Variants in PCDH18 observed in about 807,000 individuals in gnomAD.
PCDH18 encodes protocadherin 18.
Under a neutral mutation model 71.5 loss-of-function variants are expected in PCDH18, and 38 were observed. The ratio of observed to expected loss-of-function variants is 0.53; its 90% confidence interval spans 0.41 to 0.70. PCDH18 has a LOEUF of 0.70. Ranked by LOEUF, PCDH18 falls within the 30% of genes least tolerant of loss-of-function variation. The pLI, the probability that PCDH18 is intolerant of heterozygous loss-of-function variation, is 0.00. For synonymous variants in PCDH18, 565 were observed against 505.4 expected (o/e 1.12, Z -1.58); for missense variants, 1,334 against 1,384.6 (o/e 0.96, Z 0.58).
chr4:137,527,920 G>T (rs1213991171), intron 3 of PCDH18, among the ~76,000 whole-genome samples: 1 of 152,126 alleles, frequency 6.6e-6, no homozygotes, highest in Non-Finnish European at 1.5e-5. Context: ...ATAGCAAAAT[G>T]AAATGTTGGC....
In PCDH18 at chr4:137,530,541, T is replaced by A; in HGVS notation, c.1548A>T (p.Thr516=). 1 of 1,613,666 alleles carries A rather than the reference T, an allele frequency of 6.2e-7. No individual in the cohort carries two copies. The highest frequency in any genetic ancestry group is 8.5e-7 in the Non-Finnish European group (1 of 1,179,608). ...ESFILGSSIT[T]YVTIDPSNGA... ...CATTAGATGGGTCAATGGTTACATA[T>A]GTAGTTATGGAACTTCCTAGAATAA... is the stretch of plus-strand genomic sequence containing the variant. The change falls in exon 1 of 4, where the codon ACA becomes ACT. Residue 516 remains threonine, a synonymous_variant. Transcript: ENST00000344876.
intron 3 of PCDH18, among the ~76,000 whole-genome samples, chr4:137,526,958 TAAAAAAAAAA>T (rs750084137): frequency 7.8e-6 from 1 of 127,734 alleles, no homozygotes; most frequent in Non-Finnish European, 1.7e-5. Context: ...TTCCAAATCT[TAAAAAAAAAA>T]AAAAAAAAAA....
rs1005269890 is a variant in PCDH18, at chr4:137,519,466, C to G, written c.*1563G>C. On this transcript the variant is annotated 3_prime_UTR_variant, in exon 4 of 4. Coordinates refer to ENST00000344876, the MANE Select transcript of PCDH18 (RefSeq NM_019035.5). Reference sequence around the variant, plus strand: ...CTTGCTTACTCTTTTTTCTTTATTCCCCAAATGCATTTAACTTATTTAGCT... The same window carrying G: ...CTTGCTTACTCTTTTTTCTTTATTCGCCAAATGCATTTAACTTATTTAGCT... 2 of 151,704 alleles carry G rather than the reference C, an allele frequency of 1.3e-5. No homozygotes were observed. The highest frequency in any genetic ancestry group is 2.4e-5 in the African/African-American group (1 of 41,274). The allele number at this position is 151,704 out of a possible 1,614,324, so 9.4% of individuals were successfully genotyped here.
chr4:137,532,216 C>G lies in PCDH18; in HGVS notation c.-128G>C. 1 of 787,530 alleles carries G rather than the reference C, an allele frequency of 1.3e-6. No individual in the cohort carries two copies. Among genetic ancestry groups the G allele is most frequent in the Non-Finnish European group, 2.2e-6 (1 of 446,874 alleles). The allele number at this position is 787,530 out of a possible 1,614,324, so 48.8% of individuals were successfully genotyped here. ...GAAAGCGTCTCTTAATAACACAGCA[C>G]AGCAATTAACAGCTCGCAAACTTTT... is the stretch of plus-strand genomic sequence containing the variant. On this transcript the variant is annotated 5_prime_UTR_variant, in exon 1 of 4. Transcript: ENST00000344876.
In PCDH18 at chr4:137,518,938, T is replaced by C. The variant is rs1488166313; in HGVS notation, c.*2091A>G. 1 of 152,230 alleles carries C rather than the reference T, an allele frequency of 6.6e-6. No individual in the cohort carries two copies. The highest frequency in any genetic ancestry group is 2.4e-5 in the African/African-American group (1 of 41,464). 9.4% of individuals were successfully genotyped at this position (152,230 alleles called of 1,614,324 possible). A position where few individuals can be genotyped will look rare whatever the true frequency, so the allele number is the denominator to read the frequency against. ...AAAAGTTTTGTGTTGAATGAAATAT[T>C]GCATTTTATTTATTTCACATTATTC... On this transcript the variant is annotated 3_prime_UTR_variant, in exon 4 of 4. Coordinates refer to ENST00000344876, the MANE Select transcript of PCDH18 (RefSeq NM_019035.5).
chr4:137,529,090 C>G, intron 1 of PCDH18: 1 of 422,936 alleles, frequency 2.4e-6, no homozygotes, highest in East Asian at 3.9e-5. Context: ...GATTTATTTT[C>G]TTTATAATTC....
rs1167330287 is a variant in PCDH18 at position 137,519,866 on chromosome 4, A to G, written c.*1163T>C. ...AAGGCATTCCACACAGAGAGATCAC[A>G]GCACAATAAATAAAGGATTTCTCAT... On this transcript the variant is annotated 3_prime_UTR_variant, in exon 4 of 4. Coordinates refer to ENST00000344876, the MANE Select transcript of PCDH18 (RefSeq NM_019035.5). 3 of 152,662 alleles carry G rather than the reference A, an allele frequency of 2.0e-5. No individual in the cohort carries two copies. The highest frequency in any genetic ancestry group is 6.5e-5 in the Admixed American group (1 of 15,274). 9.5% of individuals were successfully genotyped at this position (152,662 alleles called of 1,614,324 possible).
intron 3 of PCDH18, among the ~76,000 whole-genome samples, chr4:137,526,103 C>G (rs923665313): frequency 3.0e-4 from 46 of 151,440 alleles, no homozygotes; most frequent in African/African-American, 1.1e-3. Context: ...CACAAACTTA[C>G]GTGGAGGTGG....
intron 3 of PCDH18, among the ~76,000 whole-genome samples, chr4:137,524,972 G>T (rs1731405218): frequency 6.6e-6 from 1 of 152,092 alleles, no homozygotes; most frequent in Non-Finnish European, 1.5e-5. Flanking sequence ...CCATGAGAAA[G>T]GACAGAACAT....
rs1320528313 is a variant in PCDH18, at chr4:137,532,350, C to A, written c.-262G>T. The A allele has an allele frequency of 1.4e-6, 1 of 702,308 alleles. No homozygotes were observed. The highest frequency in any genetic ancestry group is 1.7e-5 in the African/African-American group (1 of 57,222). The allele number at this position is 702,308 out of a possible 1,614,324, so 43.5% of individuals were successfully genotyped here. On this transcript the variant is annotated 5_prime_UTR_variant, in exon 1 of 4. Transcript: ENST00000344876. ...TCCAGGCAGGAGAGTGTCACCTCCG[C>A]GTTTTCTCCCTTGTGTAGTCGGAAT... is the stretch of plus-strand genomic sequence containing the variant.
chr4:137,524,231 CTA>C (rs1731382464), intron 3 of PCDH18, among the ~76,000 whole-genome samples: 2 of 152,108 alleles, frequency 1.3e-5, no homozygotes, highest in South Asian at 2.1e-4. Context: ...CACTATAAGA[CTA>C]TGAATTTTGT....
In PCDH18 at chr4:137,529,633, A is replaced by G; in HGVS notation, c.2456T>C (p.Leu819Ser). Residue 819 changes from leucine (L) to serine (S), a missense_variant, in exon 1 of 4, where the codon TTA becomes TCA. Around this residue, in one of 3 missense-constraint regions of PCDH18, gnomAD observed 1,011 missense variants for 1,048.0 expected, o/e 0.96. Transcript: ENST00000344876. ...SSNHVPENFS[L>S]ELTHATPAVE... Reference sequence around the variant, plus strand: ...AGCAGGAGTGGCGTGGGTGAGTTCTAATGAGAAATTCTCTGGCACGTGGTT... The same window carrying G: ...AGCAGGAGTGGCGTGGGTGAGTTCTGATGAGAAATTCTCTGGCACGTGGTT... 7 of 1,610,962 alleles carry G rather than the reference A, an allele frequency of 4.3e-6. No individual in the cohort carries two copies. The highest frequency in any genetic ancestry group is 5.9e-6 in the Non-Finnish European group (7 of 1,178,204).
Position 137,529,682 on chromosome 4 carries a change from T to G in PCDH18, c.2407A>C (p.Asn803His), listed in dbSNP as rs140728827. ...TTTGATGAGATTGTCACCAAACTGT[T>G]GAGTGACTGGTGACTGTTGTGACTC... is the stretch of plus-strand genomic sequence containing the variant. ...RQSHNSHQSL[N>H]SLVTISSNHV... is the part of the protein sequence containing the mutation. The change falls in exon 1 of 4, where the codon AAC (asparagine) becomes CAC (histidine). Residue 803 changes from asparagine to histidine, a missense_variant. Asn to His is a moderately conservative substitution (Grantham distance 68). This residue lies in a region of PCDH18 where 1,011 missense variants were observed against 1,048.0 expected (regional missense o/e 0.96). Coordinates refer to ENST00000344876, the MANE Select transcript of PCDH18 (RefSeq NM_019035.5). 4 of 1,613,814 alleles carry G rather than the reference T, an allele frequency of 2.5e-6. No individual in the cohort carries two copies. The African/African-American group carries it at 4.0e-5, about 16-fold the overall frequency.
intron 3 of PCDH18, 151 bp from the exon 4 acceptor site, chr4:137,521,847 C>A (rs1578738914): frequency 1.6e-6 from 1 of 624,794 alleles, no homozygotes; most frequent in African/African-American, 1.8e-5. Flanking sequence ...AGCTGGACTA[C>A]AATTATGGCT....
In PCDH18 at chr4:137,521,213, G is replaced by A. The variant is rs867734379; in HGVS notation, c.3224C>T (p.Thr1075Ile). ...PTTNCGPPLG[T>I]HSSVQPSSKW... ...TGAAGAAGGCTGCACACTGGAGTGA[G>A]TTCCAAGTGGCGGCCCACAGTTGGT... The change falls in exon 4 of 4, where the codon ACT becomes ATT. Residue 1075 changes from threonine (T) to isoleucine (I), a missense_variant. Physicochemically the swap from Thr to Ile is moderately conservative, Grantham distance 89 (BLOSUM62 -1). Transcript: ENST00000344876. 1 of 1,613,962 alleles carries A rather than the reference G, an allele frequency of 6.2e-7. No homozygotes were observed. The highest frequency in any genetic ancestry group is 8.5e-7 in the Non-Finnish European group (1 of 1,179,864).
At position 137,530,905 on chromosome 4, in the gene PCDH18, A is replaced by G. The variant is rs747883309; in HGVS notation, c.1184T>C (p.Ile395Thr). The change falls in exon 1 of 4, where the codon ATA (isoleucine) becomes ACA (threonine). Residue 395 changes from isoleucine to threonine, a missense_variant. Ile to Thr is a moderately conservative substitution (Grantham distance 89, BLOSUM62 -1). Around this residue, in one of 3 missense-constraint regions of PCDH18, gnomAD observed 1,011 missense variants for 1,048.0 expected, o/e 0.96. Coordinates refer to ENST00000344876, the MANE Select transcript of PCDH18 (RefSeq NM_019035.5). ...QDKDSGLNGE[I>T]VCKLHGHGHF... ...ACCATGTCCATGAAGCTTACAAACT[A>G]TTTCTCCATTCAGCCCAGAATCCTT... is the stretch of plus-strand genomic sequence containing the variant. 6.8e-6 allele frequency: 11 copies of G among 1,612,900 alleles called. No individual in the cohort carries two copies. In the South Asian group the frequency reaches 8.8e-5, roughly 13 times the overall value.
chr4:137,530,961 A>G lies in PCDH18; in HGVS notation c.1128T>C (p.Asp376=). The G allele has an allele frequency of 6.2e-7, 1 of 1,613,794 alleles. No individual in the cohort carries two copies. The highest frequency in any genetic ancestry group is 8.5e-7 in the Non-Finnish European group (1 of 1,179,854). Residue 376 remains aspartate, a synonymous_variant, in exon 1 of 4, where the codon GAT becomes GAC. Coordinates refer to ENST00000344876, the MANE Select transcript of PCDH18 (RefSeq NM_019035.5). ...GAACTCTGACCAAAGCAACAAATGTATCAATAGGATCCCCTTCAAAAATAT... is the reference window on the plus strand; with the variant it reads ...GAACTCTGACCAAAGCAACAAATGTGTCAATAGGATCCCCTTCAAAAATAT... ...ISYIFEGDPI[D]TFVALVRVQD...
intron 3 of PCDH18, 89 bp downstream of exon 3, chr4:137,528,389 A>G (rs1731540142): frequency 2.0e-6 from 2 of 999,584 alleles, no homozygotes; most frequent in Admixed American, 4.4e-5. Context: ...GGACAAATAA[A>G]GAAGAAATAT....
Position 137,521,266 on chromosome 4 carries a change from T to G in PCDH18, c.3171A>C (p.Ala1057=). 6.2e-7 allele frequency: 1 copy of G among 1,614,170 alleles called. No homozygotes were observed. The highest frequency in any genetic ancestry group is 8.5e-7 in the Non-Finnish European group (1 of 1,179,992). ...VGYPQGVAAW[A]ASTHFQNPTT... ...TGGGATTTTGAAAATGCGTACTGGCTGCCCATGCCGCTACCCCCTGTGGGT... is the reference window on the plus strand; with the variant it reads ...TGGGATTTTGAAAATGCGTACTGGCGGCCCATGCCGCTACCCCCTGTGGGT... The change falls in exon 4 of 4, where the codon GCA becomes GCC. Residue 1057 remains alanine, a synonymous_variant. Coordinates refer to ENST00000344876, the MANE Select transcript of PCDH18 (RefSeq NM_019035.5).
Sources: allele counts gnomAD v4.1 joint callset (sites outside exome capture counted in the v4.1 genomes callset), GRCh38; gene constraint gnomAD v4.1.1; regional missense constraint gnomAD v4.1.1; transcripts MANE v1.5; gene names NCBI Gene and HGNC (gene_info 2026-07-23, HGNC 2026-07-21).